Variants in UIMC1 observed in about 807,000 individuals in gnomAD.
The protein encoded by UIMC1 is ubiquitin interaction motif containing 1.
A neutral mutation model predicts 84.9 loss-of-function variants in UIMC1; 42 were observed. The observed-to-expected ratio is 0.49, with a 90% CI of 0.39 to 0.64. The LOEUF is 0.64. UIMC1 is among the 30% of genes least tolerant of loss of function. The pLI, the probability that UIMC1 is intolerant of heterozygous loss-of-function variation, is 0.00. For synonymous variants in UIMC1, 281 were observed against 293.0 expected (o/e 0.96, Z 0.42); for missense variants, 825 against 847.6 (o/e 0.97, Z 0.33).
At chr5:176,922,237 C>T (rs547697044) in intron 10 of UIMC1, among the ~76,000 whole-genome samples, 4 of 152,172 alleles carry the variant, frequency 2.6e-5, no homozygotes, top group Non-Finnish European at 5.9e-5. Context: ...TAGTACTGTA[C>T]CCTCAGCTTG....
intron 1 of UIMC1, chr5:177,001,893 T>G (rs1338221260): frequency 7.2e-6 from 1 of 139,114 alleles, no homozygotes; most frequent in African/African-American, 2.8e-5. Flanking sequence ...GAGCTTGCAG[T>G]GAGCTGAGAT....
chr5:176,974,226 A>G (rs1435565473), intron 3 of UIMC1, among the ~76,000 whole-genome samples: 2 of 152,196 alleles, frequency 1.3e-5, no homozygotes, highest in Non-Finnish European at 2.9e-5. Flanking sequence ...GCATAATGAC[A>G]AACATAAATA....
At chr5:176,964,243 C>T (rs142970646) in intron 6 of UIMC1, among the ~76,000 whole-genome samples, 1,632 of 152,292 alleles carry the variant, frequency 0.011, 10 homozygotes, top group South Asian at 0.025. Flanking sequence ...AGAGGTAAAA[C>T]TACAATCACA....
chr5:176,931,980 C>A (rs1763140747), intron 10 of UIMC1, among the ~76,000 whole-genome samples: 1 of 152,080 alleles, frequency 6.6e-6, no homozygotes, highest in South Asian at 2.1e-4. Flanking sequence ...CTCTAAAAAA[C>A]AAACAAACAA....
At chr5:176,945,702 C>T (rs1765017108) in intron 9 of UIMC1, among the ~76,000 whole-genome samples, 2 of 152,186 alleles carry the variant, frequency 1.3e-5, no homozygotes, top group Non-Finnish European at 2.9e-5. Flanking sequence ...GCTATAAACG[C>T]CCTCATCTTG....
intron 9 of UIMC1, among the ~76,000 whole-genome samples, chr5:176,946,629 G>A (rs1241082063): frequency 2.6e-5 from 4 of 152,218 alleles, no homozygotes; most frequent in African/African-American, 9.6e-5. Flanking sequence ...GAGGTCAAGA[G>A]TTTGAGACCA....
At chr5:176,958,234 G>C (rs1766862132) in intron 6 of UIMC1, 80 bp from the exon 7 acceptor site, 2 of 1,176,060 alleles carry the variant, frequency 1.7e-6, no homozygotes, top group Non-Finnish European at 2.4e-6. Flanking sequence ...AAATTTAATT[G>C]TTCAATGTTC....
chr5:176,931,259 G>A (rs897222686), intron 10 of UIMC1, among the ~76,000 whole-genome samples: 3 of 151,950 alleles, frequency 2.0e-5, no homozygotes, highest in Non-Finnish European at 2.9e-5. Context: ...TATCTTTCTC[G>A]AAATGCTCTA....
chr5:176,997,272 G>A (rs1293675464), intron 1 of UIMC1, among the ~76,000 whole-genome samples: 3 of 152,020 alleles, frequency 2.0e-5, no homozygotes, highest in South Asian at 2.1e-4. Flanking sequence ...AACAACTCTC[G>A]TGTAGACAAT....
chr5:177,011,090 C>A (rs1441284866), upstream of UIMC1, among the ~76,000 whole-genome samples: 2 of 151,690 alleles, frequency 1.3e-5, no homozygotes, highest in Non-Finnish European at 2.9e-5. Flanking sequence ...ACTCGGGAGG[C>A]TGAGGTGGGA....
intron 6 of UIMC1, among the ~76,000 whole-genome samples, chr5:176,964,270 C>T (rs1767972726): frequency 6.6e-6 from 1 of 152,128 alleles, no homozygotes; most frequent in South Asian, 2.1e-4. Flanking sequence ...ACATTATTTG[C>T]CTATAAAATT....
intron 10 of UIMC1, among the ~76,000 whole-genome samples, chr5:176,912,143 G>C (rs575184691): frequency 6.6e-6 from 1 of 152,192 alleles, no homozygotes; most frequent in African/African-American, 2.4e-5. Context: ...GCAGGGTTAC[G>C]AGTAACTTAG....
intron 10 of UIMC1, among the ~76,000 whole-genome samples, chr5:176,925,824 G>A (rs980565937): frequency 6.6e-6 from 1 of 152,160 alleles, no homozygotes; most frequent in Non-Finnish European, 1.5e-5. Context: ...TCCGTGTCTT[G>A]ATAGGTATAC....
chr5:176,924,247 G>A (rs1050346377), intron 10 of UIMC1, among the ~76,000 whole-genome samples: 1 of 151,834 alleles, frequency 6.6e-6, no homozygotes, highest in Non-Finnish European at 1.5e-5. Context: ...GAACCTGGGA[G>A]GCGGAGGTTG....
In UIMC1 at chr5:176,983,601, C is replaced by T. The variant is rs1465946997; in HGVS notation, c.-8-978G>A. ...CTCGCTACAACCTCCACCTCCCAGC[C>T]GCCTGCCTTGGCCTCCCAAAGTGCT... On this transcript the variant is annotated intron_variant, in intron 1 of 14. Coordinates refer to ENST00000511320, the MANE Select transcript of UIMC1 (RefSeq NM_001199298.2). Among the ~76,000 whole-genome samples, 10 of 152,200 alleles carry T rather than the reference C, an allele frequency of 6.6e-5. No homozygotes were observed. In the East Asian group the frequency reaches 1.2e-3, roughly 18 times the overall value.
chr5:176,933,750 G>C (rs1308411080), intron 10 of UIMC1, among the ~76,000 whole-genome samples: 1 of 151,764 alleles, frequency 6.6e-6, no homozygotes, highest in Non-Finnish European at 1.5e-5. Context: ...TGCTCAGGCT[G>C]GTCTTGAACT....
At chr5:176,908,812 T>G in intron 11 of UIMC1, 118 bp from the exon 12 acceptor site, 1 of 1,004,572 alleles carries the variant, frequency 1.0e-6, no homozygotes, top group South Asian at 1.7e-5. Flanking sequence ...GGAGGAGACA[T>G]ATCAACCAAT....
intron 1 of UIMC1, among the ~76,000 whole-genome samples, chr5:176,993,013 C>T (rs2149524638): frequency 6.6e-6 from 1 of 151,730 alleles, no homozygotes; most frequent in South Asian, 2.1e-4. Context: ...TGGCGAAACC[C>T]CATCTCTACT....
intron 13 of UIMC1, 41 bp from the exon 14 acceptor site, chr5:176,906,088 T>C (rs1303253127): frequency 3.8e-6 from 6 of 1,590,128 alleles, no homozygotes; most frequent in South Asian, 1.1e-5. Flanking sequence ...GGTAGTAGTG[T>C]TGGTAATCAT....
Sources: gnomAD v4.1 joint callset for allele counts (sites outside exome capture counted in the v4.1 genomes callset) on GRCh38, gnomAD v4.1.1 for gene constraint, MANE v1.5 for transcripts, NCBI Gene and HGNC (gene_info 2026-07-23, HGNC 2026-07-21) for gene names.